The following COL24A1 variants were observed in gnomAD, a reference collection of about 807,000 sequenced individuals.
The protein encoded by COL24A1 is collagen alpha-1(XXIV) chain.
In COL24A1, 224 loss-of-function variants were observed where a neutral mutation model predicts 253.9. That is an observed-to-expected ratio of 0.88 (90% CI 0.79 to 0.99). The LOEUF is 0.99. Ranked by LOEUF, COL24A1 falls within the 50% of genes least tolerant of loss-of-function variation. COL24A1 has a pLI of 0.00. For synonymous variants in COL24A1, 685 were observed against 673.7 expected (o/e 1.02, Z -0.26); for missense variants, 2,131 against 2,068.5 (o/e 1.03, Z -0.59).
intron 10 of COL24A1, among the ~76,000 whole-genome samples, chr1:86,055,324 A>G (rs1452735648): frequency 2.0e-5 from 3 of 152,218 alleles, no homozygotes; most frequent in Non-Finnish European, 4.4e-5. Context: ...GAGACCCTTT[A>G]TGAATGTGAA....
chr1:85,865,373 A>C (rs1274239794), intron 37 of COL24A1, among the ~76,000 whole-genome samples: 1 of 152,170 alleles, frequency 6.6e-6, no homozygotes, highest in African/African-American at 2.4e-5. Flanking sequence ...TACAAGCTGA[A>C]AGCCATTTAA....
chr1:85,925,767 GGA>G (rs1168997007), intron 24 of COL24A1, among the ~76,000 whole-genome samples: 2 of 152,088 alleles, frequency 1.3e-5, no homozygotes, highest in Non-Finnish European at 2.9e-5. Flanking sequence ...GCATGGGCAA[GGA>G]CTTCATGACT....
chr1:86,069,422 G>T (rs1701710076), intron 7 of COL24A1, among the ~76,000 whole-genome samples: 1 of 152,198 alleles, frequency 6.6e-6, no homozygotes, highest in Non-Finnish European at 1.5e-5. Context: ...TGGTTTGAAT[G>T]GGAGTTTAGC....
rs574002336 is a variant in COL24A1 at position 86,106,631 on chromosome 1, C to T, written c.1599+5936G>A. ...AATTAATAGCAATGAACATTCCCAT[C>T]GCGCTGCAAATAAATAGAATACAGT... is the stretch of plus-strand genomic sequence containing the variant. On this transcript the variant is annotated intron_variant, in intron 5 of 59. Transcript: ENST00000370571. Among the ~76,000 whole-genome samples the T allele has an allele frequency of 8.5e-5, 13 of 152,130 alleles. No homozygotes were observed. In the East Asian group the frequency reaches 9.7e-4, roughly 11 times the overall value.
At chr1:85,772,556 G>A (rs1315236692) in intron 53 of COL24A1, among the ~76,000 whole-genome samples, 3 of 151,872 alleles carry the variant, frequency 2.0e-5, no homozygotes, top group Admixed American at 6.6e-5. Context: ...TTTAATGATC[G>A]CCATTCTAAC....
At chr1:85,859,018 T>C (rs549092569) in intron 37 of COL24A1, among the ~76,000 whole-genome samples, 3 of 152,220 alleles carry the variant, frequency 2.0e-5, no homozygotes, top group Non-Finnish European at 2.9e-5. Flanking sequence ...ATTATAGGCA[T>C]GAATCACTGC....
In COL24A1 at chr1:85,868,505, C is replaced by T. The variant is rs1341265936; in HGVS notation, c.3300+14G>A. ...ATTCACTTAGTATTTGAAAGTGAAC[C>T]CAGCAGTACTTACCGGAAGGCCTGT... On this transcript the variant is annotated intron_variant, in intron 37 of 59. Coordinates refer to ENST00000370571, the MANE Select transcript of COL24A1 (RefSeq NM_152890.7). The T allele has an allele frequency of 1.3e-6, 2 of 1,592,954 alleles. No individual in the cohort carries two copies. Among genetic ancestry groups the T allele is most frequent in the East Asian group, 2.2e-5 (1 of 44,744 alleles).
At chr1:85,831,670 A>C (rs908852160) in intron 43 of COL24A1, among the ~76,000 whole-genome samples, 6 of 152,116 alleles carry the variant, frequency 3.9e-5, no homozygotes, top group Non-Finnish European at 7.4e-5. Context: ...AGGAACTTAC[A>C]GAAGATTTTA....
At chr1:86,016,430 T>C (rs1696998402) in intron 19 of COL24A1, among the ~76,000 whole-genome samples, 1 of 152,250 alleles carries the variant, frequency 6.6e-6, no homozygotes, top group Non-Finnish European at 1.5e-5. Context: ...GCTGAATCTA[T>C]GACTCTAAAT....
At chr1:85,736,337 T>A (rs1364052499) in intron 58 of COL24A1, 1 of 456,156 alleles carries the variant, frequency 2.2e-6, no homozygotes, top group Admixed American at 2.3e-5. Flanking sequence ...TGGAAACAAC[T>A]AGAGTCCGCT....
At chr1:85,761,299 G>T in intron 55 of COL24A1, 97 bp downstream of exon 55, 4 of 1,363,706 alleles carry the variant, frequency 2.9e-6, no homozygotes, top group Non-Finnish European at 4.1e-6. Context: ...GTATCCAAAA[G>T]GGATACCTTT....
At chr1:85,972,492 A>T (rs1692267823) in intron 20 of COL24A1, among the ~76,000 whole-genome samples, 1 of 152,212 alleles carries the variant, frequency 6.6e-6, no homozygotes, top group Non-Finnish European at 1.5e-5. Flanking sequence ...CTAACTTTTT[A>T]ATGAAGCTTT....
At chr1:86,131,530 G>T (rs1435299427) in intron 2 of COL24A1, among the ~76,000 whole-genome samples, 1 of 122,242 alleles carries the variant, frequency 8.2e-6, no homozygotes, top group African/African-American at 3.3e-5. Flanking sequence ...ACCCCACAAA[G>T]GCCCCAGTGT....
At chr1:86,119,375 C>A (rs199727245) in intron 3 of COL24A1, among the ~76,000 whole-genome samples, 10 of 152,106 alleles carry the variant, frequency 6.6e-5, no homozygotes, top group African/African-American at 1.9e-4. Flanking sequence ...AGGGAATGTG[C>A]AAGCCACAGG....
At chr1:86,146,945 C>A (rs1196311655) in intron 1 of COL24A1, among the ~76,000 whole-genome samples, 1 of 152,006 alleles carries the variant, frequency 6.6e-6, no homozygotes, top group African/African-American at 2.4e-5. Flanking sequence ...TATCTACCTC[C>A]AAAATGAAAA....
chr1:85,746,723 T>C (rs1464673641), intron 55 of COL24A1, among the ~76,000 whole-genome samples: 1 of 152,112 alleles, frequency 6.6e-6, no homozygotes, highest in African/African-American at 2.4e-5. Flanking sequence ...TAGGAGAGCT[T>C]TCCAGGCAGA....
At chr1:85,851,722 CTA>C (rs1677791630) in intron 37 of COL24A1, among the ~76,000 whole-genome samples, 1 of 152,112 alleles carries the variant, frequency 6.6e-6, no homozygotes, top group South Asian at 2.1e-4. Context: ...ATCTATATCT[CTA>C]TGTGAATTTC....
At chr1:85,997,055 G>GTGTGTGTGTGTGTATATATA in intron 19 of COL24A1, among the ~76,000 whole-genome samples, 5 of 95,090 alleles carry the variant, frequency 5.3e-5, no homozygotes, top group Admixed American at 1.1e-4. Context: ...GTGTGTGTGT[G>GTGTGTGTGTGTGTATATATA]TATATATATA....
At chr1:86,086,512 T>G (rs1183696435) in intron 7 of COL24A1, among the ~76,000 whole-genome samples, 3 of 152,158 alleles carry the variant, frequency 2.0e-5, no homozygotes, top group Non-Finnish European at 4.4e-5. Context: ...ACTACATTAC[T>G]GTGTTCACCT....
Sources: gnomAD v4.1 joint callset for allele counts (sites outside exome capture counted in the v4.1 genomes callset) on GRCh38, gnomAD v4.1.1 for gene constraint, MANE v1.5 for transcripts, NCBI Gene and HGNC (gene_info 2026-07-23, HGNC 2026-07-21) for gene names.